Variants in RNF152 observed in about 807,000 individuals in gnomAD.
The protein encoded by RNF152 is E3 ubiquitin-protein ligase RNF152.
A neutral mutation model predicts 12.7 loss-of-function variants in RNF152; 11 were observed. The observed-to-expected ratio is 0.86, with a 90% CI of 0.54 to 1.43. RNF152 has a LOEUF of 1.43. Among genes scored for constraint, RNF152 ranks in the 40% most tolerant of loss-of-function variants. RNF152 has a pLI of 0.00. For synonymous variants in RNF152, 113 were observed against 120.3 expected (o/e 0.94, Z 0.40); for missense variants, 255 against 274.8 (o/e 0.93, Z 0.51).
At chr18:61,844,518 G>A (rs147141178) in intron 1 of RNF152, among the ~76,000 whole-genome samples, 13 of 152,318 alleles carry the variant, frequency 8.5e-5, no homozygotes, top group Admixed American at 7.2e-4. Flanking sequence ...GCTCTGGTGG[G>A]TTTTATGTGC....
chr18:61,863,089 A>G (rs890707169), intron 1 of RNF152, among the ~76,000 whole-genome samples: 1 of 152,204 alleles, frequency 6.6e-6, no homozygotes, highest in African/African-American at 2.4e-5. Context: ...TCTGGCAGCC[A>G]TCCATGTCCA....
At chr18:61,821,681 T>A (rs1909418873) in intron 1 of RNF152, among the ~76,000 whole-genome samples, 1 of 152,166 alleles carries the variant, frequency 6.6e-6, no homozygotes, top group Non-Finnish European at 1.5e-5. Context: ...GTCTACAACC[T>A]GTAAGGAACC....
intron 1 of RNF152, among the ~76,000 whole-genome samples, chr18:61,865,938 C>G (rs1252085946): frequency 1.3e-5 from 2 of 152,216 alleles, no homozygotes; most frequent in East Asian, 3.8e-4. Context: ...GCACTAGAGT[C>G]ATCATGTTGT....
At chr18:61,833,917 T>C (rs141097305) in intron 1 of RNF152, among the ~76,000 whole-genome samples, 1 of 152,182 alleles carries the variant, frequency 6.6e-6, no homozygotes. Context: ...AGATAAAATA[T>C]CAGATGCGCT....
intron 1 of RNF152, among the ~76,000 whole-genome samples, chr18:61,853,074 T>C (rs1263625722): frequency 1.3e-5 from 2 of 152,212 alleles, no homozygotes; most frequent in Non-Finnish European, 2.9e-5. Flanking sequence ...TAAGATACAA[T>C]GTCACATTTA....
chr18:61,836,899 TG>T (rs1910214242), intron 1 of RNF152, among the ~76,000 whole-genome samples: 1 of 152,234 alleles, frequency 6.6e-6, no homozygotes, highest in African/African-American at 2.4e-5. Context: ...CATCAATAGA[TG>T]CTAAAATCAT....
At chr18:61,885,194 G>A (rs1477899399) in intron 1 of RNF152, among the ~76,000 whole-genome samples, 2 of 152,146 alleles carry the variant, frequency 1.3e-5, no homozygotes, top group Non-Finnish European at 2.9e-5. Context: ...AATCTTCGAG[G>A]AAGCAATTTG....
intron 1 of RNF152, among the ~76,000 whole-genome samples, chr18:61,844,077 G>GGAAAGAAA (rs35978592): frequency 0.034 from 2,327 of 68,464 alleles, 55 homozygotes; most frequent in East Asian, 0.07. Flanking sequence ...CAGAAAGAAA[G>GGAAAGAAA]GAAAGAAAGA....
chr18:61,824,678 C>T (rs571776107), intron 1 of RNF152, among the ~76,000 whole-genome samples: 2 of 152,298 alleles, frequency 1.3e-5, no homozygotes, highest in East Asian at 3.9e-4. Flanking sequence ...GAAAGATATT[C>T]CTATTACCCA....
At chr18:61,845,886 C>T (rs1176077787) in intron 1 of RNF152, among the ~76,000 whole-genome samples, 1 of 151,916 alleles carries the variant, frequency 6.6e-6, no homozygotes, top group Non-Finnish European at 1.5e-5. Context: ...AACCTAATCA[C>T]CAATGTGAAG....
intron 1 of RNF152, among the ~76,000 whole-genome samples, chr18:61,892,450 G>A (rs1484691631): frequency 6.6e-6 from 1 of 152,074 alleles, no homozygotes; most frequent in African/African-American, 2.4e-5. Context: ...CTAGACTGAA[G>A]CCTAAATCTA....
intron 1 of RNF152, among the ~76,000 whole-genome samples, chr18:61,862,762 C>A (rs1911548607): frequency 6.6e-6 from 1 of 152,170 alleles, no homozygotes; most frequent in Non-Finnish European, 1.5e-5. Context: ...GCCGCTCCAG[C>A]AAATTCATCA....
At chr18:61,820,020 C>CAA (rs1165545204) in intron 1 of RNF152, among the ~76,000 whole-genome samples, 20 of 64,318 alleles carry the variant, frequency 3.1e-4, no homozygotes, top group South Asian at 1.1e-3. Flanking sequence ...GACACTATCT[C>CAA]AAAAAAAAAA....
At chr18:61,835,823 G>A (rs1910156162) in intron 1 of RNF152, among the ~76,000 whole-genome samples, 1 of 152,116 alleles carries the variant, frequency 6.6e-6, no homozygotes, top group South Asian at 2.1e-4. Flanking sequence ...ATTGATACTA[G>A]TATAGTAGTA....
At chr18:61,842,748 G>A (rs567860581) in intron 1 of RNF152, among the ~76,000 whole-genome samples, 22 of 152,346 alleles carry the variant, frequency 1.4e-4, no homozygotes, top group African/African-American at 5.1e-4. Flanking sequence ...GCAAGGAGGA[G>A]CAAGTCACAT....
At chr18:61,879,260 T>A (rs1189739982) in intron 1 of RNF152, among the ~76,000 whole-genome samples, 1 of 152,252 alleles carries the variant, frequency 6.6e-6, no homozygotes, top group Non-Finnish European at 1.5e-5. Flanking sequence ...ATTTATATTG[T>A]GTTTACATTT....
intron 1 of RNF152, among the ~76,000 whole-genome samples, chr18:61,885,765 G>A (rs182642341): frequency 1.3e-5 from 2 of 152,068 alleles, no homozygotes; most frequent in African/African-American, 2.4e-5. Flanking sequence ...ATCAAAAAAA[G>A]GGAGGTAAAA....
At chr18:61,869,557 GT>G (rs1271273187) in intron 1 of RNF152, among the ~76,000 whole-genome samples, 1 of 152,116 alleles carries the variant, frequency 6.6e-6, no homozygotes, top group Admixed American at 6.5e-5. Context: ...ATTTGTTTAG[GT>G]TTACTTTACA....
chr18:61,860,441 G>A (rs991513455), intron 1 of RNF152, among the ~76,000 whole-genome samples: 1 of 152,212 alleles, frequency 6.6e-6, no homozygotes, highest in African/African-American at 2.4e-5. Flanking sequence ...TAATGGAGCT[G>A]GAAAATTCCT....
Sources: gnomAD v4.1 joint callset for allele counts (sites outside exome capture counted in the v4.1 genomes callset) on GRCh38, gnomAD v4.1.1 for gene constraint, MANE v1.5 for transcripts, NCBI Gene and HGNC (gene_info 2026-07-23, HGNC 2026-07-21) for gene names.